Variants in WDR72 observed in about 807,000 individuals in gnomAD.
The protein encoded by WDR72 is WD repeat-containing protein 72.
A neutral mutation model predicts 124.2 loss-of-function variants in WDR72; 120 were observed. The observed-to-expected ratio is 0.97, with a 90% CI of 0.83 to 1.12. The LOEUF (loss-of-function observed/expected upper bound fraction) is 1.12, where lower values mean the gene tolerates loss of function less well. Among genes scored for constraint, WDR72 ranks in the 50% most tolerant of loss-of-function variants. The probability of loss-of-function intolerance (pLI) is 0.00; values close to 1 mark genes in which losing one functional copy is unlikely to be tolerated. For synonymous variants in WDR72, 452 were observed against 441.7 expected, an observed-to-expected ratio of 1.02 and a Z score of -0.29; for missense variants, 1,387 against 1,278.8, an observed-to-expected ratio of 1.08 and a Z score of -1.29.
In WDR72 at chr15:53,598,727, T is replaced by C. The variant is rs555721319; in HGVS notation, c.2953-1453A>G. Among the ~76,000 whole-genome samples, 26 of 152,234 alleles carry C rather than the reference T, an allele frequency of 1.7e-4. No homozygotes were observed. In the East Asian group the frequency reaches 4.9e-3, roughly 29 times the overall value. On this transcript the variant is annotated intron_variant, in intron 17 of 19. Transcript: ENST00000360509. Reference sequence around the variant, plus strand: ...GGAGTGAAAAAAGGCTAAGGAATAGTAGAATATCACTATTGCATACCATGC... The same window carrying C: ...GGAGTGAAAAAAGGCTAAGGAATAGCAGAATATCACTATTGCATACCATGC...
At chr15:53,700,520 C>T (rs2017139227) in intron 12 of WDR72, among the ~76,000 whole-genome samples, 1 of 152,134 alleles carries the variant, frequency 6.6e-6, no homozygotes, top group Non-Finnish European at 1.5e-5. Flanking sequence ...GCTCCCAGGA[C>T]AACAATCCTT....
At chr15:53,711,522 CTA>C in intron 7 of WDR72, 41 bp from the exon 8 acceptor site, 6 of 1,601,604 alleles carry the variant, frequency 3.7e-6, no homozygotes, top group Non-Finnish European at 5.1e-6. Context: ...AGGCTTAAAT[CTA>C]GTCTGCCAAT....
At chr15:53,601,840 A>G (rs991095977) in intron 17 of WDR72, among the ~76,000 whole-genome samples, 1 of 152,200 alleles carries the variant, frequency 6.6e-6, no homozygotes, top group Non-Finnish European at 1.5e-5. Context: ...ACAGGTTCAT[A>G]AAGCAAGTTC....
intron 13 of WDR72, among the ~76,000 whole-genome samples, chr15:53,679,306 G>C (rs796674930): frequency 2.0e-5 from 3 of 152,100 alleles, no homozygotes; most frequent in Non-Finnish European, 4.4e-5. Flanking sequence ...AGCTTAAAAT[G>C]GTAAATTCTA....
At chr15:53,573,012 AG>A (rs1009910054) in intron 18 of WDR72, among the ~76,000 whole-genome samples, 1 of 152,188 alleles carries the variant, frequency 6.6e-6, no homozygotes, top group African/African-American at 2.4e-5. Flanking sequence ...TTGGGTTGGG[AG>A]GAGGTAGAGG....
chr15:53,702,266 T>G lies in WDR72; in HGVS notation c.1437A>C (p.Gln479His), dbSNP rs34123953. Residue 479 changes from glutamine (Q) to histidine (H), a missense_variant, in exon 12 of 20, where the codon CAA becomes CAC. Coordinates refer to ENST00000360509, the MANE Select transcript of WDR72 (RefSeq NM_182758.4). Reference protein sequence around the residue: ...YPHGLSSKLDQSWMLSGDLDS... With the variant: ...YPHGLSSKLDHSWMLSGDLDS... ...CCAGGTCCCCAGACAACATCCAACT[T>G]TGGTCTAATTTCGAAGAGAGACCAT... 1.8e-3 allele frequency: 2,848 copies of G among 1,614,100 alleles called. 59 individuals carry two copies. In the African/African-American group the frequency reaches 0.034, roughly 19 times the overall value.
chr15:53,740,616 A>G (rs1479334867), intron 1 of WDR72, among the ~76,000 whole-genome samples: 1 of 152,222 alleles, frequency 6.6e-6, no homozygotes, highest in African/African-American at 2.4e-5. Flanking sequence ...TCTTCCTTCT[A>G]CATTCCTTCT....
chr15:53,665,507 A>G, intron 14 of WDR72, 65 bp downstream of exon 14: 1 of 1,563,166 alleles, frequency 6.4e-7, no homozygotes, highest in Non-Finnish European at 8.8e-7. Flanking sequence ...TGTATTTATG[A>G]ATGCATATAA....
chr15:53,560,593 C>A (rs911699967), intron 18 of WDR72, among the ~76,000 whole-genome samples: 1 of 151,750 alleles, frequency 6.6e-6, no homozygotes, highest in African/African-American at 2.4e-5. Flanking sequence ...AATTAAGATG[C>A]AGTACTTATT....
At chr15:53,629,524 T>C (rs1254088705) in intron 14 of WDR72, among the ~76,000 whole-genome samples, 3 of 152,086 alleles carry the variant, frequency 2.0e-5, no homozygotes, top group East Asian at 3.9e-4. Context: ...AGAAAGTTTT[T>C]AGAAATATTA....
chr15:53,562,049 T>C (rs568806191), intron 18 of WDR72, among the ~76,000 whole-genome samples: 1 of 151,920 alleles, frequency 6.6e-6, no homozygotes, highest in East Asian at 1.9e-4. Flanking sequence ...CTCATGCTAG[T>C]CATTGCACTA....
intron 18 of WDR72, among the ~76,000 whole-genome samples, chr15:53,549,642 A>C (rs892150640): frequency 6.6e-6 from 1 of 152,160 alleles, no homozygotes; most frequent in African/African-American, 2.4e-5. Flanking sequence ...ACAAAGGGAG[A>C]TCACTAAAGG....
At chr15:53,672,196 A>G (rs1227281350) in intron 13 of WDR72, among the ~76,000 whole-genome samples, 1 of 151,998 alleles carries the variant, frequency 6.6e-6, no homozygotes, top group Non-Finnish European at 1.5e-5. Flanking sequence ...CTATTACGGT[A>G]AAGGCCAAGT....
intron 14 of WDR72, among the ~76,000 whole-genome samples, chr15:53,641,732 G>A (rs1305670182): frequency 6.6e-6 from 1 of 151,412 alleles, no homozygotes; most frequent in Non-Finnish European, 1.5e-5. Context: ...TCTTTTTAAT[G>A]ACTTATGAAT....
At chr15:53,555,753 C>T (rs1335459777) in intron 18 of WDR72, among the ~76,000 whole-genome samples, 4 of 151,938 alleles carry the variant, frequency 2.6e-5, no homozygotes, top group African/African-American at 7.2e-5. Context: ...CAATGGTTTG[C>T]CATTTAAAAA....
chr15:53,633,478 A>G (rs1025524528), intron 14 of WDR72, among the ~76,000 whole-genome samples: 6 of 152,212 alleles, frequency 3.9e-5, no homozygotes, highest in Admixed American at 3.9e-4. Context: ...AGCAGTGAAA[A>G]ACCAACTAAT....
In WDR72 at chr15:53,714,473, G is replaced by A. The variant is rs760375130; in HGVS notation, c.552C>T (p.Leu184=). ...TAGATGAGGAAAGATCCCATACTTT[G>A]AGCTCACCAGCTACTGATACCACCA... is the stretch of plus-strand genomic sequence containing the variant. ...SLLVVSVAGE[L]KVWDLSSSIN... The change falls in exon 6 of 20, where the codon CTC becomes CTT. Residue 184 remains leucine, a synonymous_variant. Transcript: ENST00000360509. 3 of 1,613,804 alleles carry A rather than the reference G, an allele frequency of 1.9e-6. No homozygotes were observed. Among genetic ancestry groups the A allele is most frequent in the Middle Eastern group, 1.7e-4 (1 of 6,060 alleles).
intron 1 of WDR72, 87 bp from the exon 2 acceptor site, chr15:53,733,248 A>G (rs140307974): frequency 1.4e-6 from 2 of 1,420,436 alleles, no homozygotes; most frequent in African/African-American, 2.8e-5. Flanking sequence ...ATTTATGATG[A>G]CCAAACTTCA....
At chr15:53,698,528 G>A (rs1291591574) in intron 13 of WDR72, among the ~76,000 whole-genome samples, 2 of 152,162 alleles carry the variant, frequency 1.3e-5, no homozygotes, top group Non-Finnish European at 2.9e-5. Context: ...TAGGAAGGCA[G>A]TATTATTACC....
Sources: gnomAD v4.1 joint callset for allele counts (sites outside exome capture counted in the v4.1 genomes callset) on GRCh38, gnomAD v4.1.1 for gene constraint, MANE v1.5 for transcripts, NCBI Gene and HGNC (gene_info 2026-07-23, HGNC 2026-07-21) for gene names.